The following TCFL5 variants were observed in gnomAD, a reference collection of about 807,000 sequenced individuals.
The protein encoded by TCFL5 is transcription factor-like 5 protein.
TCFL5 carries 9 observed loss-of-function variants against 44.3 expected under a neutral mutation model. The ratio of observed to expected loss-of-function variants is 0.20; its 90% CI spans 0.12 to 0.35. TCFL5 has a LOEUF of 0.35. Ranked by LOEUF, TCFL5 falls within the 10% of genes least tolerant of loss-of-function variation. The pLI, the probability that TCFL5 is intolerant of heterozygous loss-of-function variation, is 1.00. For synonymous variants in TCFL5, 319 were observed against 271.6 expected (o/e 1.17, Z -1.72); for missense variants, 603 against 613.4 (o/e 0.98, Z 0.18).
intron 5 of TCFL5, chr20:62,846,050 T>A: frequency 7.4e-7 from 1 of 1,343,154 alleles, no homozygotes; most frequent in South Asian, 1.2e-5. Flanking sequence ...ATTCTTTCCA[T>A]CAACTGCTGA....
At chr20:62,845,536 C>T (rs2063730482) in intron 5 of TCFL5, 2 of 1,449,776 alleles carry the variant, frequency 1.4e-6, no homozygotes, top group Admixed American at 5.6e-5. Context: ...GCCTATTTGG[C>T]AAGATAGAAT....
chr20:62,852,968 A>G (rs969864895), intron 5 of TCFL5: 47 of 1,288,956 alleles, frequency 3.6e-5, no homozygotes, highest in Admixed American at 1.6e-4. Flanking sequence ...CCGCAGAAGC[A>G]TGGTCACCCG....
At chr20:62,850,260 T>C (rs2063790460) in intron 5 of TCFL5, among the ~76,000 whole-genome samples, 1 of 152,178 alleles carries the variant, frequency 6.6e-6, no homozygotes, top group Non-Finnish European at 1.5e-5. Flanking sequence ...AGGTGTTCAC[T>C]GTAATTCCTA....
chr20:62,856,810 T>C (rs2063899685), intron 4 of TCFL5, among the ~76,000 whole-genome samples: 1 of 151,802 alleles, frequency 6.6e-6, no homozygotes, highest in South Asian at 2.1e-4. Flanking sequence ...CAGAAAGGCC[T>C]GCAGTCAGGG....
rs1242629074 is a variant in TCFL5 at position 62,861,542 on chromosome 20, G to A, written c.129C>T (p.Asp43=). Residue 43 remains aspartate (D), a synonymous_variant, in exon 1 of 6, where the codon GAC becomes GAT. Coordinates refer to ENST00000335351, the MANE Select transcript of TCFL5 (RefSeq NM_006602.4). The surrounding 1 kb of genome is among the most constrained non-coding windows in gnomAD (Gnocchi z 4.0). The part of the protein sequence containing the change: ...GEPGLSFTTT[D]LSLVEMTEVE... The stretch of plus-strand genomic sequence containing the variant: ...CCTCCGTCATCTCCACCAGGCTCAG[G>A]TCGGTGGTCGTGAAGCTCAGCCCCG... 1.7e-6 allele frequency: 2 copies of A among 1,153,450 alleles called. No individual in the cohort carries two copies. Among genetic ancestry groups the A allele is most frequent in the Admixed American group, 3.5e-5 (1 of 28,190 alleles). The allele number at this position is 1,153,450 out of a possible 1,614,324, so 71.5% of individuals were successfully genotyped here.
intron 3 of TCFL5, among the ~76,000 whole-genome samples, chr20:62,858,624 G>T (rs1457316568): frequency 6.6e-6 from 1 of 151,816 alleles, no homozygotes; most frequent in African/African-American, 2.4e-5. Context: ...TCCCAGGGAG[G>T]AAGGGGCTAC....
rs1224173592 is a variant in TCFL5 at position 62,841,346 on chromosome 20, TG to T, written c.*628del. 1.3e-5 allele frequency: 2 copies of T among 154,274 alleles called. No individual in the cohort carries two copies. Among genetic ancestry groups the T allele is most frequent in the Non-Finnish European group, 2.9e-5 (2 of 69,474 alleles). 9.6% of individuals were successfully genotyped at this position (154,274 alleles called of 1,614,324 possible). On this transcript the variant is annotated 3_prime_UTR_variant, in exon 6 of 6. Coordinates refer to ENST00000335351, the MANE Select transcript of TCFL5 (RefSeq NM_006602.4). Reference sequence around the variant, plus strand: ...GACACATGAAGTAATGAATGACTCTTGGTATGAAAACGTGGCATTTAAGCGT... The same window carrying T: ...GACACATGAAGTAATGAATGACTCTTGTATGAAAACGTGGCATTTAAGCGT...
chr20:62,852,034 G>A (rs2063816920), intron 5 of TCFL5: 1 of 971,406 alleles, frequency 1.0e-6, no homozygotes. Context: ...TCGAACTCCT[G>A]GCCTCAAATG....
Position 62,861,299 on chromosome 20 carries a change from G to T in TCFL5, c.372C>A (p.Ile124=), listed in dbSNP as rs1405995560. The T allele has an allele frequency of 3.3e-6, 4 of 1,202,474 alleles. No individual in the cohort carries two copies. The allele number at this position is 1,202,474 out of a possible 1,614,324, so 74.5% of individuals were successfully genotyped here. A position where few individuals can be genotyped will look rare whatever the true frequency, so the allele number is the denominator to read the frequency against. The change falls in exon 1 of 6, where the codon ATC becomes ATA. Residue 124 remains isoleucine, a synonymous_variant. Coordinates refer to ENST00000335351, the MANE Select transcript of TCFL5 (RefSeq NM_006602.4). This position sits in a 1 kb window ranked among gnomAD's most constrained non-coding sequence, Gnocchi z 4.0. ...LAADAPCLGH[I]DFQELRMMLL... is the part of the protein sequence containing the mutation. ...GCATCATGCGCAGCTCCTGGAAGTCGATGTGGCCCAGGCAGGGCGCGTCGG... is the reference window on the plus strand; with the variant it reads ...GCATCATGCGCAGCTCCTGGAAGTCTATGTGGCCCAGGCAGGGCGCGTCGG...
intron 4 of TCFL5, 65 bp from the exon 5 acceptor site, chr20:62,854,222 C>T (rs575154890): frequency 1.3e-5 from 20 of 1,585,242 alleles, no homozygotes; most frequent in Middle Eastern, 1.7e-4. Flanking sequence ...TAAAAGGAAG[C>T]GTCTCCTGTA....
chr20:62,854,939 C>T (rs999333344), intron 4 of TCFL5, among the ~76,000 whole-genome samples: 3 of 152,192 alleles, frequency 2.0e-5, no homozygotes, highest in Admixed American at 6.5e-5. Flanking sequence ...CTTTACACAT[C>T]AGCTCACTGA....
chr20:62,860,337 G>A (rs746842597), intron 1 of TCFL5, 29 bp from the exon 2 acceptor site: 9 of 1,586,648 alleles, frequency 5.7e-6, no homozygotes, highest in Admixed American at 1.7e-5. Flanking sequence ...GCCCAGAAGT[G>A]TCAGCAATAC....
At position 62,841,896 on chromosome 20, in the gene TCFL5, G is replaced by A. The variant is rs1031213859; in HGVS notation, c.*79C>T. ...CTTTTCGAGTCAGACTAGCCGAGCA[G>A]AGCTCCAGGGTTGCAGAAGGCGTGC... On this transcript the variant is annotated 3_prime_UTR_variant, in exon 6 of 6. Transcript: ENST00000335351. 4.5e-6 allele frequency: 7 copies of A among 1,571,454 alleles called. No homozygotes were observed. The highest frequency in any genetic ancestry group is 1.8e-5 in the Admixed American group (1 of 54,742).
chr20:62,861,119 G>A lies in TCFL5; in HGVS notation c.552C>T (p.Arg184=), dbSNP rs1432946457. The part of the protein sequence containing the change: ...APEARAKPAV[R]VRLEDRFNSI... The stretch of plus-strand genomic sequence containing the variant: ...TGTTGAAGCGGTCCTCCAGGCGGAC[G>A]CGCACGGCCGGCTTGGCCCGGGCCT... The change falls in exon 1 of 6, where the codon CGC becomes CGT. Residue 184 remains arginine (R), a synonymous_variant. Coordinates refer to ENST00000335351, the MANE Select transcript of TCFL5 (RefSeq NM_006602.4). This position sits in a 1 kb window ranked among gnomAD's most constrained non-coding sequence, Gnocchi z 4.0. The A allele has an allele frequency of 1.2e-5, 12 of 998,958 alleles. No individual in the cohort carries two copies. Among genetic ancestry groups the A allele is most frequent in the African/African-American group, 1.8e-5 (1 of 56,976 alleles). 61.9% of individuals were successfully genotyped at this position (998,958 alleles called of 1,614,324 possible).
chr20:62,860,103 C>T (rs755332023), intron 2 of TCFL5, 22 bp downstream of exon 2: 62 of 1,588,058 alleles, frequency 3.9e-5, no homozygotes, highest in Non-Finnish European at 5.2e-5. Flanking sequence ...AAGAGCAAAG[C>T]TTCACAAATC....
At chr20:62,858,869 G>A (rs1029469786) in intron 3 of TCFL5, among the ~76,000 whole-genome samples, 4 of 151,728 alleles carry the variant, frequency 2.6e-5, no homozygotes, top group Non-Finnish European at 4.4e-5. Flanking sequence ...GGGAGGAAGG[G>A]ACTATGCAGG....
intron 4 of TCFL5, among the ~76,000 whole-genome samples, chr20:62,855,873 C>A (rs2063880739): frequency 6.6e-6 from 1 of 152,128 alleles, no homozygotes; most frequent in Non-Finnish European, 1.5e-5. Context: ...ATTTCCTGAA[C>A]TTAAAGCAGA....
In TCFL5 at chr20:62,842,821, A is replaced by AC. The variant is rs998599301; in HGVS notation, c.1381-725dup. Among the ~76,000 whole-genome samples the AC allele has an allele frequency of 2.6e-5, 4 of 152,188 alleles. No homozygotes were observed. The highest frequency in any genetic ancestry group is 5.9e-5 in the Non-Finnish European group (4 of 68,022). ...TAACAAGTCAGGGGCATCTACCCCC[A>AC]CCCCAGGGCGACTGCCTTGCCCTCT... On this transcript the variant is annotated intron_variant, in intron 5 of 5. Coordinates refer to ENST00000335351, the MANE Select transcript of TCFL5 (RefSeq NM_006602.4). The surrounding 1 kb of genome is among the most constrained non-coding windows in gnomAD (Gnocchi z 4.3).
intron 5 of TCFL5, among the ~76,000 whole-genome samples, chr20:62,843,386 T>A (rs1329414250): frequency 6.6e-6 from 1 of 152,148 alleles, no homozygotes; most frequent in Non-Finnish European, 1.5e-5. Context: ...GGAAGATATA[T>A]TTATGAATGA....
Sources: gnomAD v4.1 joint callset for allele counts (sites outside exome capture counted in the v4.1 genomes callset) on GRCh38, gnomAD v4.1.1 for gene constraint, Gnocchi (gnomAD v3.1) non-coding constraint, MANE v1.5 for transcripts, NCBI Gene and HGNC (gene_info 2026-07-23, HGNC 2026-07-21) for gene names.